The following FHIT variants were observed in gnomAD, a reference collection of about 807,000 sequenced individuals.
FHIT encodes bis(5'-adenosyl)-triphosphatase.
Under a neutral mutation model 17.9 loss-of-function variants are expected in FHIT, and 19 were observed. That is an observed-to-expected ratio of 1.06 (90% CI 0.74 to 1.56). The LOEUF (loss-of-function observed/expected upper bound fraction) is 1.56. FHIT is among the 40% of genes most tolerant of loss of function. FHIT has a pLI of 0.00. For synonymous variants in FHIT, 81 were observed against 69.7 expected (o/e 1.16, Z -0.81); for missense variants, 248 against 189.2 (o/e 1.31, Z -1.82).
intron 3 of FHIT, among the ~76,000 whole-genome samples, chr3:60,926,202 G>A (rs1461181570): frequency 6.6e-6 from 1 of 152,112 alleles, no homozygotes; most frequent in Non-Finnish European, 1.5e-5. Context: ...TGCACCAAGT[G>A]GACCTAACAG....
chr3:61,007,335 A>G (rs902194479), intron 3 of FHIT, among the ~76,000 whole-genome samples: 1 of 152,196 alleles, frequency 6.6e-6, no homozygotes, highest in African/African-American at 2.4e-5. Flanking sequence ...CTGAGAGTGT[A>G]ATCGTTTTTT....
intron 5 of FHIT, among the ~76,000 whole-genome samples, chr3:60,365,288 C>T (rs1261613476): frequency 6.6e-6 from 1 of 151,810 alleles, no homozygotes; most frequent in Non-Finnish European, 1.5e-5. Context: ...GGCAAGTTAA[C>T]CAGATATACT....
At chr3:60,169,178 A>G (rs1206528132) in intron 5 of FHIT, among the ~76,000 whole-genome samples, 1 of 152,200 alleles carries the variant, frequency 6.6e-6, no homozygotes, top group Non-Finnish European at 1.5e-5. Context: ...CAATACGTCA[A>G]TCCACGTTTG....
At chr3:60,145,983 G>A (rs1700221865) in intron 5 of FHIT, among the ~76,000 whole-genome samples, 1 of 151,984 alleles carries the variant, frequency 6.6e-6, no homozygotes, top group Non-Finnish European at 1.5e-5. Context: ...CATGCAACAG[G>A]GACATACAGC....
At chr3:61,145,151 G>A (rs1300437274) in intron 2 of FHIT, among the ~76,000 whole-genome samples, 1 of 152,052 alleles carries the variant, frequency 6.6e-6, no homozygotes, top group African/African-American at 2.4e-5. Flanking sequence ...GTTTTGCCAA[G>A]GGATTTTATA....
At chr3:60,378,105 C>A (rs548837587) in intron 5 of FHIT, among the ~76,000 whole-genome samples, 2 of 152,120 alleles carry the variant, frequency 1.3e-5, no homozygotes, top group East Asian at 2.0e-4. Flanking sequence ...CGGCTCACTG[C>A]GAGCTCCACC....
intron 7 of FHIT, among the ~76,000 whole-genome samples, chr3:59,958,151 G>T (rs1378635296): frequency 6.6e-6 from 1 of 152,190 alleles, no homozygotes; most frequent in Non-Finnish European, 1.5e-5. Context: ...GCTGGAACAT[G>T]TATCTGTCAC....
intron 1 of FHIT, among the ~76,000 whole-genome samples, chr3:61,213,403 G>A (rs1011513462): frequency 2.6e-5 from 4 of 152,118 alleles, no homozygotes; most frequent in Admixed American, 2.6e-4. Context: ...TCAAAAGAGA[G>A]AAAGAAGGCC....
chr3:60,719,824 G>A (rs1195914424), intron 4 of FHIT, among the ~76,000 whole-genome samples: 2 of 152,034 alleles, frequency 1.3e-5, no homozygotes, highest in African/African-American at 4.8e-5. Context: ...AAGTCCTAAG[G>A]TCCACGCAAA....
chr3:60,134,977 G>C (rs1211595637), intron 5 of FHIT, among the ~76,000 whole-genome samples: 7 of 152,080 alleles, frequency 4.6e-5, no homozygotes, highest in Non-Finnish European at 1.0e-4. Flanking sequence ...AGGAAAAAAG[G>C]GGGGAGGGAG....
chr3:60,407,927 C>T (rs1336853263), intron 5 of FHIT, among the ~76,000 whole-genome samples: 1 of 152,152 alleles, frequency 6.6e-6, no homozygotes, highest in Non-Finnish European at 1.5e-5. Context: ...TGAAGAGTAT[C>T]ACACAACCAT....
intron 5 of FHIT, among the ~76,000 whole-genome samples, chr3:60,143,728 T>TCA (rs77556274): frequency 0.22 from 32,762 of 152,000 alleles, 3,766 homozygotes; most frequent in Middle Eastern, 0.33. Flanking sequence ...TAACCTATCT[T>TCA]CATAACTTTG....
chr3:60,766,027 A>C (rs1553721337), intron 4 of FHIT, among the ~76,000 whole-genome samples: 3 of 152,136 alleles, frequency 2.0e-5, no homozygotes. Context: ...TGAGCCTTTC[A>C]GACTGAGCCA....
intron 5 of FHIT, among the ~76,000 whole-genome samples, chr3:60,394,409 A>G (rs184630332): frequency 5.3e-4 from 81 of 152,316 alleles, no homozygotes; most frequent in African/African-American, 1.9e-3. Flanking sequence ...CAGTACCTAC[A>G]AATGTTATGT....
At chr3:61,097,468 G>T (rs191291321) in intron 2 of FHIT, among the ~76,000 whole-genome samples, 1 of 152,296 alleles carries the variant, frequency 6.6e-6, no homozygotes, top group East Asian at 1.9e-4. Context: ...TAAATACCCA[G>T]TAATGGGATT....
At chr3:59,989,501 A>G (rs1457421016) in intron 7 of FHIT, among the ~76,000 whole-genome samples, 3 of 152,072 alleles carry the variant, frequency 2.0e-5, no homozygotes, top group African/African-American at 7.2e-5. Flanking sequence ...GAGGCTTTCC[A>G]AATAACTACC....
chr3:60,878,136 T>C (rs782231694), intron 3 of FHIT, among the ~76,000 whole-genome samples: 1 of 151,994 alleles, frequency 6.6e-6, no homozygotes, highest in African/African-American at 2.4e-5. Context: ...TCCCCAGGGG[T>C]AGAATCACAG....
intron 5 of FHIT, among the ~76,000 whole-genome samples, chr3:60,061,475 G>T (rs1174316972): frequency 6.6e-6 from 1 of 152,162 alleles, no homozygotes; most frequent in African/African-American, 2.4e-5. Context: ...CAAGAACCAA[G>T]GGTTTTTCAC....
intron 4 of FHIT, among the ~76,000 whole-genome samples, chr3:60,703,039 T>A (rs1402055740): frequency 1.3e-5 from 2 of 152,220 alleles, no homozygotes; most frequent in Non-Finnish European, 2.9e-5. Context: ...TTTGCAGATG[T>A]AATTTGTTAG....
Sources: allele counts gnomAD v4.1 joint callset (sites outside exome capture counted in the v4.1 genomes callset), GRCh38; gene constraint gnomAD v4.1.1; transcripts MANE v1.5; gene names NCBI Gene and HGNC (gene_info 2026-07-23, HGNC 2026-07-21).